FAM135A: variants seen among roughly 807,000 people sequenced by gnomAD.
FAM135A encodes the protein protein FAM135A.
A neutral mutation model predicts 146.8 loss-of-function variants in FAM135A; 79 were observed. The observed-to-expected ratio is 0.54, with a 90% confidence interval of 0.45 to 0.65. The LOEUF (loss-of-function observed/expected upper bound fraction) is 0.65, where lower values mean the gene tolerates loss of function less well. FAM135A is among the 30% of genes least tolerant of loss of function. FAM135A has a pLI of 0.00. For synonymous variants in FAM135A, 562 were observed against 603.6 expected (o/e 0.93, Z 1.01); for missense variants, 1,623 against 1,758.2 (o/e 0.92, Z 1.38).
At chr6:70,550,755 C>G (rs1201666899) in intron 20 of FAM135A, among the ~76,000 whole-genome samples, 1 of 152,188 alleles carries the variant, frequency 6.6e-6, no homozygotes, top group Non-Finnish European at 1.5e-5. Context: ...AGCTTTGAAG[C>G]CAGGCATTGA....
chr6:70,494,372 G>A (rs978760838), intron 11 of FAM135A, among the ~76,000 whole-genome samples: 1 of 151,866 alleles, frequency 6.6e-6, no homozygotes, highest in Non-Finnish European at 1.5e-5. Flanking sequence ...GCACACAATT[G>A]TAGTCCCAGC....
intron 16 of FAM135A, among the ~76,000 whole-genome samples, chr6:70,529,019 A>G (rs1055295853): frequency 1.3e-5 from 2 of 151,268 alleles, no homozygotes; most frequent in Non-Finnish European, 2.9e-5. Flanking sequence ...ACCTGAGCTC[A>G]GTGGATTTTT....
chr6:70,516,530 C>CTTTTTTTTT (rs1174927909), intron 12 of FAM135A, among the ~76,000 whole-genome samples: 9 of 84,956 alleles, frequency 1.1e-4, no homozygotes, highest in Non-Finnish European at 2.0e-4. Flanking sequence ...ATTTTCTTTT[C>CTTTTTTTTT]TTTTTTTTTT....
intron 20 of FAM135A, among the ~76,000 whole-genome samples, chr6:70,547,421 C>T (rs1582888836): frequency 6.6e-6 from 1 of 152,128 alleles, no homozygotes; most frequent in African/African-American, 2.4e-5. Context: ...AGCTTCAGCA[C>T]TATTGATATT....
intron 12 of FAM135A, among the ~76,000 whole-genome samples, chr6:70,506,385 T>C (rs1789768946): frequency 6.6e-6 from 1 of 152,164 alleles, no homozygotes; most frequent in East Asian, 1.9e-4. Flanking sequence ...AAGGACCAAA[T>C]GGTAAACATT....
intron 11 of FAM135A, among the ~76,000 whole-genome samples, chr6:70,491,749 G>T (rs759700678): frequency 2.8e-4 from 42 of 151,912 alleles, no homozygotes; most frequent in Non-Finnish European, 4.6e-4. Flanking sequence ...TGTCCTAGAG[G>T]TTTTCTCTGC....
chr6:70,551,992 G>C (rs913718506), intron 20 of FAM135A, among the ~76,000 whole-genome samples: 2 of 152,184 alleles, frequency 1.3e-5, no homozygotes, highest in Non-Finnish European at 2.9e-5. Context: ...CAATGGACTT[G>C]CTCAATGCAG....
chr6:70,525,162 T>C lies in FAM135A; in HGVS notation c.2078T>C (p.Leu693Pro). 1.3e-6 allele frequency: 2 copies of C among 1,582,382 alleles called. No homozygotes were observed. The highest frequency in any genetic ancestry group is 1.9e-5 in the Admixed American group (1 of 53,054). Reference sequence around the variant, plus strand: ...GAGGAAATACTTGTGGATAATTTACTACCCAACTTTGAGTCCTTAGAATCT... The same window carrying C: ...GAGGAAATACTTGTGGATAATTTACCACCCAACTTTGAGTCCTTAGAATCT... ...RQEEILVDNLLPNFESLESNG... is the reference protein window; with the variant it reads ...RQEEILVDNLPPNFESLESNG... The change falls in exon 15 of 22, where the codon CTA becomes CCA. Residue 693 changes from leucine (L) to proline (P), a missense_variant. Transcript: ENST00000418814.
chr6:70,550,028 T>C (rs1197870212), intron 20 of FAM135A, among the ~76,000 whole-genome samples: 1 of 152,220 alleles, frequency 6.6e-6, no homozygotes, highest in Non-Finnish European at 1.5e-5. Flanking sequence ...AAGCAACTCT[T>C]CATCTATTCA....
intron 4 of FAM135A, among the ~76,000 whole-genome samples, chr6:70,437,509 ATTAC>A (rs138581364): frequency 0.046 from 7,032 of 152,222 alleles, 358 homozygotes; most frequent in African/African-American, 0.11. Context: ...TTTTCTTAGT[ATTAC>A]TTAAGATCCT....
At chr6:70,430,439 G>A (rs747359425) in intron 4 of FAM135A, among the ~76,000 whole-genome samples, 6 of 152,168 alleles carry the variant, frequency 3.9e-5, no homozygotes, top group South Asian at 2.1e-4. Context: ...GTCACAGTGC[G>A]AGGTCACGAG....
At chr6:70,475,639 T>C (rs112740107) in intron 6 of FAM135A, 24 bp from the exon 7 acceptor site, 1 of 1,598,246 alleles carries the variant, frequency 6.3e-7, no homozygotes, top group Non-Finnish European at 8.5e-7. Context: ...TCAAAAAGTA[T>C]CTCATAGTGT....
chr6:70,525,266 T>C lies in FAM135A; in HGVS notation c.2182T>C (p.Ser728Pro), dbSNP rs949863699. ...QEAKCLSIGE[S>P]LTKLRSNLPA... ...AGCAAAGTGTCTTTCTATTGGAGAA[T>C]CATTAACTAAATTACGAAGTAATCT... Residue 728 changes from serine (S) to proline (P), a missense_variant, in exon 15 of 22, where the codon TCA (serine) becomes CCA (proline). By Grantham distance (74) the Ser-to-Pro change is moderately conservative. Transcript: ENST00000418814. 6.2e-7 allele frequency: 1 copy of C among 1,600,476 alleles called. No individual in the cohort carries two copies. Among genetic ancestry groups the C allele is most frequent in the Non-Finnish European group, 8.5e-7 (1 of 1,174,896 alleles).
chr6:70,536,741 T>C (rs983174619), intron 19 of FAM135A, among the ~76,000 whole-genome samples: 1 of 152,128 alleles, frequency 6.6e-6, no homozygotes, highest in Non-Finnish European at 1.5e-5. Flanking sequence ...AACAAACACC[T>C]ACATTTAATA....
chr6:70,507,008 A>G (rs1480815525), intron 12 of FAM135A, among the ~76,000 whole-genome samples: 1 of 151,988 alleles, frequency 6.6e-6, no homozygotes, highest in Non-Finnish European at 1.5e-5. Flanking sequence ...AACTTTGAGA[A>G]GAAGGGACAA....
intron 2 of FAM135A, among the ~76,000 whole-genome samples, chr6:70,419,234 T>A (rs1383868572): frequency 6.6e-6 from 1 of 151,904 alleles, no homozygotes; most frequent in Non-Finnish European, 1.5e-5. Context: ...GCCTGGCCAA[T>A]ATGGTGAAAC....
In FAM135A at chr6:70,524,412, A is replaced by G; in HGVS notation, c.1328A>G (p.Glu443Gly). Residue 443 changes from glutamate to glycine, a missense_variant, in exon 15 of 22, where the codon GAG (glutamate) becomes GGG (glycine). Physicochemically the swap from Glu to Gly is moderately conservative, Grantham distance 98. Coordinates refer to ENST00000418814, the MANE Select transcript of FAM135A (RefSeq NM_001162529.3). ...RSESSKMDKYETEESSVAGLS... is the reference protein window; with the variant it reads ...RSESSKMDKYGTEESSVAGLS... ...GAGTCCAGTAAAATGGATAAATATG[A>G]GACTGAAGAAAGCTCTGTAGCAGGA... 3 of 1,531,932 alleles carry G rather than the reference A, an allele frequency of 2.0e-6. No homozygotes were observed. The East Asian group carries it at 7.3e-5, about 38-fold the overall frequency. The allele number at this position is 1,531,932 out of a possible 1,614,324, so 94.9% of individuals were successfully genotyped here.
chr6:70,429,351 A>G (rs972497990), intron 4 of FAM135A, among the ~76,000 whole-genome samples: 26 of 152,166 alleles, frequency 1.7e-4, no homozygotes, highest in Non-Finnish European at 3.4e-4. Context: ...TACCTCTACT[A>G]AAAATACAAA....
intron 4 of FAM135A, among the ~76,000 whole-genome samples, chr6:70,438,702 C>T (rs767471286): frequency 5.3e-5 from 8 of 152,068 alleles, no homozygotes; most frequent in Non-Finnish European, 1.2e-4. Context: ...CGAAAGTTCT[C>T]GACTTTAGGA....
Sources: allele counts gnomAD v4.1 joint callset (sites outside exome capture counted in the v4.1 genomes callset), GRCh38; gene constraint gnomAD v4.1.1; transcripts MANE v1.5; gene names NCBI Gene and HGNC (gene_info 2026-07-23, HGNC 2026-07-21).